The following LNX1 variants were observed in gnomAD, a reference collection of about 807,000 sequenced individuals.
LNX1 encodes E3 ubiquitin-protein ligase LNX.
LNX1 carries 54 observed loss-of-function variants against 68.4 expected under a neutral mutation model. The ratio of observed to expected loss-of-function variants is 0.79; its 90% CI spans 0.63 to 0.99. LNX1 has a LOEUF of 0.99. Among genes scored for constraint, LNX1 ranks in the 50% least tolerant of loss-of-function variants. The probability of loss-of-function intolerance (pLI) is 0.00; values close to 1 mark genes in which losing one functional copy is unlikely to be tolerated. For missense variants in LNX1, 906 were observed against 926.4 expected, an observed-to-expected ratio of 0.98 and a Z score of 0.29; for synonymous variants, 336 against 350.0, an observed-to-expected ratio of 0.96 and a Z score of 0.45.
intron 1 of LNX1, among the ~76,000 whole-genome samples, chr4:53,583,372 C>A (rs1010411130): frequency 1.3e-5 from 2 of 152,070 alleles, no homozygotes; most frequent in African/African-American, 4.8e-5. Flanking sequence ...TGATGGGGGG[C>A]AAATACACTG....
chr4:53,488,060 A>T (rs1724437342), intron 6 of LNX1, among the ~76,000 whole-genome samples: 1 of 152,240 alleles, frequency 6.6e-6, no homozygotes, highest in Non-Finnish European at 1.5e-5. Context: ...AGAAAGTCAC[A>T]GACACACAAG....
chr4:53,601,572 G>A (rs1314458016), intron 2 of LNX1, among the ~76,000 whole-genome samples: 1 of 152,208 alleles, frequency 6.6e-6, no homozygotes. Flanking sequence ...ACAACTGCGT[G>A]AGCCTGGTAG....
intron 6 of LNX1, among the ~76,000 whole-genome samples, chr4:53,484,757 G>A (rs915642943): frequency 1.3e-5 from 2 of 152,164 alleles, no homozygotes; most frequent in African/African-American, 4.8e-5. Flanking sequence ...ACAACTGCTA[G>A]CGTACAGTAA....
At chr4:53,616,156 C>T (rs184822129) in intron 2 of LNX1, among the ~76,000 whole-genome samples, 22 of 152,218 alleles carry the variant, frequency 1.4e-4, no homozygotes, top group African/African-American at 3.1e-4. Flanking sequence ...GTGATGTTTG[C>T]GTTTCTGTGG....
Position 53,586,313 on chromosome 4 carries a change from TGTCAAAAGCA to T in LNX1, c.-87+5065_-87+5074del, listed in dbSNP as rs1226465953. Among the ~76,000 whole-genome samples, 4 of 152,306 alleles carry T rather than the reference TGTCAAAAGCA, an allele frequency of 2.6e-5. No homozygotes were observed. The East Asian group carries it at 7.7e-4, about 29-fold the overall frequency. Reference sequence around the variant, plus strand: ...CTCTATTCAGAAAAGGCCACGTGACTGTCAAAAGCAGTCATAAGCAAGTTATGCAAATCAT... The same window carrying T: ...CTCTATTCAGAAAAGGCCACGTGACTGTCATAAGCAAGTTATGCAAATCAT... On this transcript the variant is annotated intron_variant, in intron 1 of 10. Transcript: ENST00000263925.
intron 7 of LNX1, 54 bp from the exon 8 acceptor site, chr4:53,478,796 T>C (rs1332739811): frequency 6.5e-7 from 1 of 1,541,000 alleles, no homozygotes; most frequent in African/African-American, 1.4e-5. Context: ...CTGGTAGTTT[T>C]TGAATGTAGA....
At chr4:53,604,431 A>G (rs1477126017) in intron 2 of LNX1, among the ~76,000 whole-genome samples, 1 of 152,236 alleles carries the variant, frequency 6.6e-6, no homozygotes, top group Admixed American at 6.5e-5. Context: ...CTTAAAAGCC[A>G]GTTGGATAAA....
upstream of LNX1, among the ~76,000 whole-genome samples, chr4:53,592,755 A>C (rs1375502387): frequency 6.6e-6 from 1 of 151,968 alleles, no homozygotes; most frequent in East Asian, 1.9e-4. Context: ...GGGAGGGTGG[A>C]GGAAGAAGGA....
At chr4:53,546,829 C>T (rs1729147766) in intron 2 of LNX1, among the ~76,000 whole-genome samples, 2 of 152,086 alleles carry the variant, frequency 1.3e-5, no homozygotes, top group Non-Finnish European at 2.9e-5. Flanking sequence ...GGGAGGGAGT[C>T]GGGGGCAGAG....
Position 53,496,034 on chromosome 4 carries a change from G to A in LNX1, c.1339C>T (p.His447Tyr), listed in dbSNP as rs756358873. The change falls in exon 6 of 11, where the codon CAT becomes TAT. Residue 447 changes from histidine (H) to tyrosine (Y), a missense_variant. Transcript: ENST00000263925. ...GACCTCTGACTCACCTGAATCAGAT[G>A]AGCCGCACTTTCTGGGCTGCCATAT... ...LRYGSPESAA[H>Y]LIQASERRVH... The A allele has an allele frequency of 2.4e-5, 38 of 1,612,724 alleles. No homozygotes were observed. Among genetic ancestry groups the A allele is most frequent in the Admixed American group, 1.8e-4 (11 of 59,970 alleles).
chr4:53,471,618 C>G (rs1383270975), intron 9 of LNX1, among the ~76,000 whole-genome samples: 2 of 152,004 alleles, frequency 1.3e-5, no homozygotes, highest in Non-Finnish European at 2.9e-5. Context: ...TATCCAGAAT[C>G]TACAATGAAC....
intron 9 of LNX1, among the ~76,000 whole-genome samples, chr4:53,471,817 C>T (rs1168026519): frequency 6.6e-6 from 1 of 152,098 alleles, no homozygotes; most frequent in Admixed American, 6.5e-5. Context: ...GAATGGCGAT[C>T]ATTAAAAAGT....
At chr4:53,566,475 C>A (rs1383736593) in intron 2 of LNX1, among the ~76,000 whole-genome samples, 1 of 151,498 alleles carries the variant, frequency 6.6e-6, no homozygotes, top group African/African-American at 2.4e-5. Flanking sequence ...ACCAGGCCTG[C>A]CCTAAAAGAG....
rs111277471 is a variant in LNX1 at position 53,496,263 on chromosome 4, C to T, written c.1110G>A (p.Pro370=). The T allele has an allele frequency of 8.2e-5, 132 of 1,614,110 alleles. 3 individuals carry two copies. The Middle Eastern group carries it at 1.8e-3, about 22-fold the overall frequency. ...TGTCATCTCGGGGTCTGTAGGCATC[C>T]GGGGCCTGTCCATTGTTCCTGCTGC... ...KFRSRNNGQA[P]DAYRPRDDSF... is the part of the protein sequence containing the mutation. The change falls in exon 6 of 11, where the codon CCG becomes CCA. Residue 370 remains proline, a synonymous_variant. Coordinates refer to ENST00000263925, the MANE Select transcript of LNX1 (RefSeq NM_001126328.3).
chr4:53,484,509 A>G (rs1724156619), intron 6 of LNX1, among the ~76,000 whole-genome samples: 4 of 152,000 alleles, frequency 2.6e-5, no homozygotes, highest in African/African-American at 9.7e-5. Flanking sequence ...GTTGCAGCGA[A>G]CCGAGATTGT....
chr4:53,503,545 C>A (rs1725651545), intron 4 of LNX1, among the ~76,000 whole-genome samples: 1 of 152,212 alleles, frequency 6.6e-6, no homozygotes, highest in African/African-American at 2.4e-5. Context: ...TAGGCCTCAA[C>A]AGTGGGCTTA....
At chr4:53,564,694 A>G (rs13127096) in intron 2 of LNX1, among the ~76,000 whole-genome samples, 86,954 of 150,898 alleles carry the variant, frequency 0.58, 25,428 homozygotes, top group Non-Finnish European at 0.63. Flanking sequence ...CCTGAGCGAC[A>G]CAGAAGACGG....
At chr4:53,581,560 C>A (rs1045010608) in intron 1 of LNX1, among the ~76,000 whole-genome samples, 2 of 152,080 alleles carry the variant, frequency 1.3e-5, no homozygotes, top group Admixed American at 6.5e-5. Context: ...ACAATCATGG[C>A]GGAAGGTGAA....
intron 1 of LNX1, among the ~76,000 whole-genome samples, chr4:53,645,891 T>G (rs1031290638): frequency 1.6e-4 from 24 of 152,232 alleles, no homozygotes; most frequent in African/African-American, 5.8e-4. Flanking sequence ...GATTACTATT[T>G]CATACTGATT....
Sources: gnomAD v4.1 joint callset for allele counts (sites outside exome capture counted in the v4.1 genomes callset) on GRCh38, gnomAD v4.1.1 for gene constraint, MANE v1.5 for transcripts, NCBI Gene and HGNC (gene_info 2026-07-23, HGNC 2026-07-21) for gene names.